LRRTM4: variants seen among roughly 807,000 people sequenced by gnomAD.
The protein encoded by LRRTM4 is leucine-rich repeat transmembrane neuronal protein 4.
LRRTM4 carries 25 observed loss-of-function variants against 47.6 expected under a neutral mutation model. That is an observed-to-expected ratio of 0.53 (90% CI 0.38 to 0.73). The LOEUF is 0.73. Ranked by LOEUF, LRRTM4 falls within the 30% of genes least tolerant of loss-of-function variation. The pLI, the probability that LRRTM4 is intolerant of heterozygous loss-of-function variation, is 0.00. For synonymous variants in LRRTM4, 311 were observed against 269.5 expected, an observed-to-expected ratio of 1.15 and a Z score of -1.51; for missense variants, 638 against 713.4, an observed-to-expected ratio of 0.89 and a Z score of 1.20.
intron 3 of LRRTM4, among the ~76,000 whole-genome samples, chr2:77,160,096 C>A (rs147632635): frequency 1.6e-4 from 24 of 152,294 alleles, no homozygotes; most frequent in East Asian, 1.4e-3. Context: ...TCAAACCTTT[C>A]AGCCCTCACC....
At chr2:76,968,755 T>C (rs1327092480) in intron 3 of LRRTM4, among the ~76,000 whole-genome samples, 1 of 151,732 alleles carries the variant, frequency 6.6e-6, no homozygotes, top group African/African-American at 2.4e-5. Flanking sequence ...ACTACCCTTC[T>C]CTTAGTCCAG....
At chr2:77,053,852 C>A (rs946928013) in intron 3 of LRRTM4, among the ~76,000 whole-genome samples, 2 of 152,006 alleles carry the variant, frequency 1.3e-5, no homozygotes, top group African/African-American at 2.4e-5. Context: ...AGGTATCATA[C>A]TAAGACAATG....
chr2:77,016,569 A>C (rs1678079182), intron 3 of LRRTM4, among the ~76,000 whole-genome samples: 3 of 152,068 alleles, frequency 2.0e-5, no homozygotes, highest in Admixed American at 2.0e-4. Context: ...AGCTTTCCAC[A>C]TCCATTTGCA....
chr2:77,474,542 A>G (rs1192320461), intron 3 of LRRTM4, among the ~76,000 whole-genome samples: 1 of 152,126 alleles, frequency 6.6e-6, no homozygotes, highest in African/African-American at 2.4e-5. Flanking sequence ...TTAAAGACCA[A>G]AACTTGTATA....
At chr2:77,116,075 T>A (rs1671382133) in intron 3 of LRRTM4, among the ~76,000 whole-genome samples, 1 of 152,052 alleles carries the variant, frequency 6.6e-6, no homozygotes, top group Non-Finnish European at 1.5e-5. Flanking sequence ...GCAAAATGGG[T>A]TTAGGCACTT....
chr2:76,817,621 G>T (rs1318236998), intron 3 of LRRTM4, among the ~76,000 whole-genome samples: 3 of 151,980 alleles, frequency 2.0e-5, no homozygotes, highest in Non-Finnish European at 4.4e-5. Flanking sequence ...GGCACCAGAA[G>T]TTCTGGGAGC....
intron 3 of LRRTM4, among the ~76,000 whole-genome samples, chr2:76,794,351 C>T (rs1675143928): frequency 1.3e-5 from 2 of 152,092 alleles, no homozygotes; most frequent in Non-Finnish European, 2.9e-5. Context: ...AGAAAGTGAA[C>T]CTTAGGAAAA....
intron 3 of LRRTM4, among the ~76,000 whole-genome samples, chr2:76,899,209 A>G (rs1673530161): frequency 6.6e-6 from 1 of 151,888 alleles, no homozygotes; most frequent in African/African-American, 2.4e-5. Context: ...TTCAACAAAT[A>G]TATATAGAGA....
chr2:77,068,186 AAAT>A (rs1328294754), intron 3 of LRRTM4, among the ~76,000 whole-genome samples: 13 of 152,178 alleles, frequency 8.5e-5, no homozygotes, highest in African/African-American at 2.9e-4. Context: ...AAATTGTTTA[AAAT>A]ACTACTTTCC....
chr2:76,838,068 C>G (rs902023041), intron 3 of LRRTM4, among the ~76,000 whole-genome samples: 8 of 149,004 alleles, frequency 5.4e-5, no homozygotes, highest in African/African-American at 1.7e-4. Flanking sequence ...CACATGTACC[C>G]TAAAACTTAA....
chr2:77,013,972 T>G (rs569870752), intron 3 of LRRTM4, among the ~76,000 whole-genome samples: 34 of 152,310 alleles, frequency 2.2e-4, no homozygotes, highest in Non-Finnish European at 3.8e-4. Flanking sequence ...ATTAGGTTGG[T>G]TCCTTATGGA....
intron 3 of LRRTM4, among the ~76,000 whole-genome samples, chr2:76,970,848 T>A (rs1395812896): frequency 1.3e-5 from 2 of 152,058 alleles, no homozygotes; most frequent in African/African-American, 4.8e-5. Context: ...GAAGTTGAAT[T>A]ACAATTAATT....
At chr2:77,095,649 G>T (rs970727702) in intron 3 of LRRTM4, among the ~76,000 whole-genome samples, 3 of 151,752 alleles carry the variant, frequency 2.0e-5, no homozygotes, top group Non-Finnish European at 4.4e-5. Flanking sequence ...GAGACTGCAG[G>T]CTCAGTTAGC....
intron 3 of LRRTM4, among the ~76,000 whole-genome samples, chr2:77,159,903 T>A (rs1020279465): frequency 6.6e-6 from 1 of 152,246 alleles, no homozygotes; most frequent in Non-Finnish European, 1.5e-5. Flanking sequence ...TCCATCTGAT[T>A]GTGACAGAAT....
Position 76,882,311 on chromosome 2 carries a change from ATTAT to A in LRRTM4, c.1552-133399_1552-133396del, listed in dbSNP as rs543733812. On this transcript the variant is annotated intron_variant, in intron 3 of 3. Coordinates refer to ENST00000409884, the MANE Select transcript of LRRTM4 (RefSeq NM_001134745.3). ...TATTTTACTTAACTTTTACTGAAAC[ATTAT>A]TTATTATTATATTTTAATAACAAAG... Among the ~76,000 whole-genome samples the A allele has an allele frequency of 3.7e-3, 557 of 152,214 alleles. 5 individuals are homozygous for A. The highest frequency in any genetic ancestry group is 0.012 in the African/African-American group (503 of 41,564).
At chr2:77,270,108 A>T (rs1223295929) in intron 3 of LRRTM4, among the ~76,000 whole-genome samples, 2 of 152,246 alleles carry the variant, frequency 1.3e-5, no homozygotes, top group Non-Finnish European at 2.9e-5. Context: ...ATAAGGCAGC[A>T]CTTATACATC....
intron 3 of LRRTM4, among the ~76,000 whole-genome samples, chr2:76,812,794 C>CCCCTTCCTCCTCCTCTCCCTCT (rs1558670816): frequency 7.9e-6 from 1 of 126,314 alleles, no homozygotes; most frequent in Non-Finnish European, 1.6e-5. Flanking sequence ...CTCTCCCTCC[C>CCCCTTCCTCCTCCTCTCCCTCT]CCCCCTCCTC....
At chr2:76,780,510 C>A (rs1674311682) in intron 3 of LRRTM4, among the ~76,000 whole-genome samples, 1 of 152,088 alleles carries the variant, frequency 6.6e-6, no homozygotes. Context: ...TCATTCATTT[C>A]ATCTTCCATT....
At chr2:76,930,244 G>A (rs1358887339) in intron 3 of LRRTM4, among the ~76,000 whole-genome samples, 3 of 152,070 alleles carry the variant, frequency 2.0e-5, no homozygotes, top group Non-Finnish European at 2.9e-5. Flanking sequence ...TAAGTCTCTT[G>A]GGGGCCCTTT....
Sources: gnomAD v4.1 joint callset for allele counts (sites outside exome capture counted in the v4.1 genomes callset) on GRCh38, gnomAD v4.1.1 for gene constraint, MANE v1.5 for transcripts, NCBI Gene and HGNC (gene_info 2026-07-23, HGNC 2026-07-21) for gene names.